The following DHRS12 variants were observed in gnomAD, a reference collection of about 807,000 sequenced individuals.
DHRS12 encodes dehydrogenase/reductase SDR family member 12.
DHRS12 carries 29 observed loss-of-function variants against 32.1 expected under a neutral mutation model. The observed-to-expected ratio is 0.90, with a 90% CI of 0.67 to 1.23. The LOEUF is 1.23. Ranked by LOEUF, DHRS12 falls within the 50% of genes most tolerant of loss-of-function variation. The pLI is 0.00. For synonymous variants in DHRS12, 150 were observed against 135.9 expected (o/e 1.10, Z -0.72); for missense variants, 330 against 337.2 (o/e 0.98, Z 0.17).
chr13:51,769,386 A>G, intron 7 of DHRS12, 93 bp from the exon 8 acceptor site: 1 of 1,038,218 alleles, frequency 9.6e-7, no homozygotes, highest in Non-Finnish European at 1.3e-6. Context: ...AAGTGCAAAA[A>G]TGAAATGGGA....
chr13:51,776,695 G>T (rs1456652138), intron 5 of DHRS12, among the ~76,000 whole-genome samples: 1 of 152,138 alleles, frequency 6.6e-6, no homozygotes, highest in Non-Finnish European at 1.5e-5. Flanking sequence ...GGGAGAACAG[G>T]CTCCAGTAGC....
the DHRS12 span, chr13:51,755,256 T>C: frequency 9.0e-7 from 1 of 1,109,160 alleles, no homozygotes; most frequent in South Asian, 1.5e-5. Context: ...CTCTGTTTCT[T>C]TTAAACACAT....
intron 4 of DHRS12, chr13:51,789,551 T>C (rs1955162871): frequency 2.0e-6 from 2 of 985,316 alleles, no homozygotes; most frequent in Non-Finnish European, 1.2e-6. Context: ...GCCACTGGCC[T>C]GATATAAAAT....
At chr13:51,775,912 T>C (rs895068491) in intron 5 of DHRS12, 2 of 138,136 alleles carry the variant, frequency 1.4e-5, no homozygotes, top group Non-Finnish European at 3.3e-5. Flanking sequence ...CCTACATGTA[T>C]TCTACAGTAT....
intron 1 of DHRS12, among the ~76,000 whole-genome samples, chr13:51,802,724 A>C (rs1955817049): frequency 6.6e-6 from 1 of 152,200 alleles, no homozygotes; most frequent in African/African-American, 2.4e-5. Flanking sequence ...CTGAAGTCAA[A>C]ACAAGGTTGT....
intron 7 of DHRS12, chr13:51,771,022 G>A: frequency 7.0e-7 from 1 of 1,424,862 alleles, no homozygotes; most frequent in Non-Finnish European, 9.1e-7. Context: ...AGCAGTGTGT[G>A]AGAGCCTGAT....
chr13:51,788,881 A>G (rs955084225), intron 4 of DHRS12, among the ~76,000 whole-genome samples: 1 of 151,960 alleles, frequency 6.6e-6, no homozygotes. Context: ...TAGTAAATTT[A>G]GTAAATTTGG....
chr13:51,779,342 G>A (rs765050262), intron 4 of DHRS12, among the ~76,000 whole-genome samples: 1 of 152,222 alleles, frequency 6.6e-6, no homozygotes, highest in Admixed American at 6.5e-5. Flanking sequence ...TTAGGGGTAG[G>A]CCCCAAACAC....
At chr13:51,798,789 C>T (rs1955621944) in intron 2 of DHRS12, among the ~76,000 whole-genome samples, 1 of 152,240 alleles carries the variant, frequency 6.6e-6, no homozygotes, top group Non-Finnish European at 1.5e-5. Flanking sequence ...TAGTTCCCCA[C>T]CTTCTGCTGG....
chr13:51,788,599 C>G (rs543159650), intron 4 of DHRS12, among the ~76,000 whole-genome samples: 3 of 152,010 alleles, frequency 2.0e-5, no homozygotes, highest in Non-Finnish European at 2.9e-5. Context: ...AATCCCAATA[C>G]TTTGGGAGGC....
intron 4 of DHRS12, among the ~76,000 whole-genome samples, chr13:51,784,153 G>C (rs773493071): frequency 6.6e-6 from 1 of 152,206 alleles, no homozygotes; most frequent in Non-Finnish European, 1.5e-5. Flanking sequence ...AGTGCAGCCA[G>C]TGTGACTGAG....
At chr13:51,780,668 A>T (rs916595453) in intron 4 of DHRS12, among the ~76,000 whole-genome samples, 2 of 152,216 alleles carry the variant, frequency 1.3e-5, no homozygotes, top group Non-Finnish European at 2.9e-5. Flanking sequence ...ACATGACTTG[A>T]AGCAAATCTC....
intron 4 of DHRS12, among the ~76,000 whole-genome samples, chr13:51,779,429 A>T (rs1194346897): frequency 6.6e-6 from 1 of 152,222 alleles, no homozygotes; most frequent in Non-Finnish European, 1.5e-5. Flanking sequence ...CCATGTGCCC[A>T]GTCCACGGGC....
chr13:51,761,978 G>C, the DHRS12 span: 1 of 152,196 alleles, frequency 6.6e-6, no homozygotes, highest in Admixed American at 6.5e-5. Context: ...AGTCTTTTCT[G>C]CATGATTGCT....
At chr13:51,771,721 C>G in intron 7 of DHRS12, 100 bp downstream of exon 7, 1 of 1,456,018 alleles carries the variant, frequency 6.9e-7, no homozygotes, top group Non-Finnish European at 9.5e-7. Flanking sequence ...GTCCTCATTA[C>G]GCTGGTTTTA....
At chr13:51,756,804 A>G in the DHRS12 span, among the ~76,000 whole-genome samples, 1 of 152,212 alleles carries the variant, frequency 6.6e-6, no homozygotes, top group East Asian at 1.9e-4. Flanking sequence ...TTCTGTCCCA[A>G]GCTGGTATCT....
chr13:51,756,775 T>A, the DHRS12 span: 2 of 458,054 alleles, frequency 4.4e-6, no homozygotes, highest in Non-Finnish European at 5.7e-6. Context: ...CCCAGGAGTA[T>A]AAGGGCTCAG....
chr13:51,755,287 C>A, the DHRS12 span: 1 of 1,401,368 alleles, frequency 7.1e-7, no homozygotes, highest in South Asian at 1.2e-5. Context: ...CCATAAGTTT[C>A]ATCAGGGTCA....
chr13:51,789,684 C>T, intron 4 of DHRS12: 1 of 985,424 alleles, frequency 1.0e-6, no homozygotes, highest in Non-Finnish European at 1.2e-6. Context: ...CTGGAAGTTC[C>T]TTTGGTTGCA....
Sources: allele counts gnomAD v4.1 joint callset (sites outside exome capture counted in the v4.1 genomes callset), GRCh38; gene constraint gnomAD v4.1.1; transcripts MANE v1.5; gene names NCBI Gene and HGNC (gene_info 2026-07-23, HGNC 2026-07-21).